SPAST: variants seen among roughly 807,000 people sequenced by gnomAD.
The protein encoded by SPAST is spastin.
Under a neutral mutation model 76.6 loss-of-function variants are expected in SPAST, and 30 were observed. That is an observed-to-expected ratio of 0.39 (90% CI 0.29 to 0.53). The LOEUF (loss-of-function observed/expected upper bound fraction) is 0.53. Among genes scored for constraint, SPAST ranks in the 20% least tolerant of loss-of-function variants. The pLI, the probability that SPAST is intolerant of heterozygous loss-of-function variation, is 0.68. For missense variants in SPAST, 717 were observed against 770.5 expected, an observed-to-expected ratio of 0.93 and a Z score of 0.82; for synonymous variants, 305 against 281.0, an observed-to-expected ratio of 1.09 and a Z score of -0.86.
intron 1 of SPAST, among the ~76,000 whole-genome samples, chr2:32,082,947 ATTGTTG>A (rs891675406): frequency 2.0e-5 from 3 of 151,550 alleles, no homozygotes; most frequent in African/African-American, 7.3e-5. Flanking sequence ...TGTTTTTGTT[ATTGTTG>A]TTGTTGTTGT....
At chr2:32,072,452 T>A (rs542396124) in intron 1 of SPAST, among the ~76,000 whole-genome samples, 6 of 152,102 alleles carry the variant, frequency 3.9e-5, no homozygotes, top group Admixed American at 3.9e-4. Context: ...TATCTCTGTT[T>A]TAATGTTAAT....
chr2:32,089,467 G>T, intron 2 of SPAST, 55 bp from the exon 3 acceptor site: 2 of 996,586 alleles, frequency 2.0e-6, no homozygotes, highest in Admixed American at 3.5e-5. Context: ...ATAATTTATC[G>T]TGAAACAATA....
At chr2:32,072,758 G>T (rs1009434827) in intron 1 of SPAST, among the ~76,000 whole-genome samples, 9 of 152,154 alleles carry the variant, frequency 5.9e-5, no homozygotes, top group African/African-American at 2.2e-4. Context: ...AGGATGGAGG[G>T]TAGAAATCAG....
chr2:32,063,843 G>C lies in SPAST; in HGVS notation c.12G>C (p.Pro4=). 1 of 1,577,708 alleles carries C rather than the reference G, an allele frequency of 6.3e-7. No homozygotes were observed. The highest frequency in any genetic ancestry group is 1.1e-5 in the South Asian group (1 of 88,534). ...AGTGAGAGCTGTGAATGAATTCTCC[G>C]GGTGGACGAGGGAAGAAGAAAGGCT... The part of the protein sequence containing the change: MNS[P]GGRGKKKGSG... The change falls in exon 1 of 17, where the codon CCG becomes CCC. Residue 4 remains proline (P), a synonymous_variant. Coordinates refer to ENST00000315285, the MANE Select transcript of SPAST (RefSeq NM_014946.4).
chr2:32,082,795 C>T (rs955982627), intron 1 of SPAST, among the ~76,000 whole-genome samples: 3 of 152,072 alleles, frequency 2.0e-5, no homozygotes, highest in African/African-American at 7.2e-5. Context: ...TCTCGCTTCT[C>T]TCCCTTTGCA....
At chr2:32,064,617 A>G (rs1676436618) in intron 1 of SPAST, among the ~76,000 whole-genome samples, 1 of 152,182 alleles carries the variant, frequency 6.6e-6, no homozygotes, top group East Asian at 1.9e-4. Flanking sequence ...CAAGGTTTCC[A>G]AAAGGTTTTG....
At chr2:32,119,421 G>A (rs1678945107) in intron 7 of SPAST, among the ~76,000 whole-genome samples, 1 of 152,088 alleles carries the variant, frequency 6.6e-6, no homozygotes, top group Non-Finnish European at 1.5e-5. Context: ...GCATTCTTGA[G>A]TATACTGGAA....
chr2:32,076,082 A>C (rs972704699), intron 1 of SPAST, among the ~76,000 whole-genome samples: 2 of 149,822 alleles, frequency 1.3e-5, no homozygotes, highest in East Asian at 4.0e-4. Context: ...TGTATTTTTA[A>C]TAGAGATGGG....
At chr2:32,069,117 G>C (rs1042386985) in intron 1 of SPAST, among the ~76,000 whole-genome samples, 2 of 151,566 alleles carry the variant, frequency 1.3e-5, no homozygotes, top group Admixed American at 1.3e-4. Flanking sequence ...GGACGCTGAC[G>C]CAGGACAATT....
chr2:32,095,542 G>A (rs1345397835), intron 3 of SPAST, among the ~76,000 whole-genome samples: 1 of 151,420 alleles, frequency 6.6e-6, no homozygotes, highest in Non-Finnish European at 1.5e-5. Context: ...AACCAGCCTG[G>A]ACAGCGTACT....
At chr2:32,125,319 G>T (rs561455829) in intron 7 of SPAST, among the ~76,000 whole-genome samples, 4 of 152,146 alleles carry the variant, frequency 2.6e-5, no homozygotes, top group African/African-American at 9.6e-5. Flanking sequence ...CGCCTCCAGG[G>T]TTCAAGCGAT....
intron 12 of SPAST, among the ~76,000 whole-genome samples, chr2:32,140,439 A>G (rs563247171): frequency 6.6e-6 from 1 of 152,258 alleles, no homozygotes; most frequent in East Asian, 1.9e-4. Context: ...CCTGGCCAAC[A>G]TAGTACAACC....
In SPAST at chr2:32,136,981, TATG is replaced by T; in HGVS notation, c.1413+16_1413+18del. 6.3e-7 allele frequency: 1 copy of T among 1,598,486 alleles called. No homozygotes were observed. Among genetic ancestry groups the T allele is most frequent in the Non-Finnish European group, 8.6e-7 (1 of 1,167,552 alleles). Reference sequence around the variant, plus strand: ...AGAATTTGATGGTGTAAGTGTTGATTATGATATTTTTAATGTGGCAGCATTTTA... The same window carrying T: ...AGAATTTGATGGTGTAAGTGTTGATTATATTTTTAATGTGGCAGCATTTTA... On this transcript the variant is annotated intron_variant, in intron 11 of 16. Coordinates refer to ENST00000315285, the MANE Select transcript of SPAST (RefSeq NM_014946.4).
rs1249692851 is a variant in SPAST, at chr2:32,063,572, G to C, written c.-260G>C. ...TGCGCGTGCGCGGCCGCCGCTGGGA[G>C]CCACCAGGCGGCGGAGAGGACAGCG... On this transcript the variant is annotated 5_prime_UTR_variant, in exon 1 of 17. Transcript: ENST00000315285. The C allele has an allele frequency of 3.9e-6, 2 of 509,512 alleles. No homozygotes were observed. The highest frequency in any genetic ancestry group is 6.9e-6 in the Non-Finnish European group (2 of 290,680). The allele number at this position is 509,512 out of a possible 1,614,324, so 31.6% of individuals were successfully genotyped here.
chr2:32,078,190 C>T (rs1352190177), intron 1 of SPAST, among the ~76,000 whole-genome samples: 2 of 152,012 alleles, frequency 1.3e-5, no homozygotes, highest in African/African-American at 4.8e-5. Flanking sequence ...CGGGGTTTCA[C>T]CGTTTTAGCC....
intron 2 of SPAST, among the ~76,000 whole-genome samples, chr2:32,089,201 T>TC (rs1677612419): frequency 9.8e-6 from 1 of 102,058 alleles, no homozygotes; most frequent in East Asian, 3.1e-4. Flanking sequence ...CTCGGCTAAT[T>TC]TTTTTTTTTT....
chr2:32,113,520 A>G (rs924642804), intron 4 of SPAST, among the ~76,000 whole-genome samples: 3 of 139,130 alleles, frequency 2.2e-5, no homozygotes, highest in Admixed American at 7.1e-5. Flanking sequence ...TGCCTTTACT[A>G]TATTTTGTTT....
At chr2:32,147,119 G>A in intron 15 of SPAST, 99 bp from the exon 16 acceptor site, 1 of 795,590 alleles carries the variant, frequency 1.3e-6, no homozygotes, top group Admixed American at 1.8e-5. Context: ...GATTTGTACT[G>A]AATAGATACA....
At chr2:32,077,290 C>T (rs1182052835) in intron 1 of SPAST, among the ~76,000 whole-genome samples, 1 of 152,074 alleles carries the variant, frequency 6.6e-6, no homozygotes, top group Non-Finnish European at 1.5e-5. Context: ...TGTGAGAATA[C>T]TTAAGGATTA....
Sources: gnomAD v4.1 joint callset for allele counts (sites outside exome capture counted in the v4.1 genomes callset) on GRCh38, gnomAD v4.1.1 for gene constraint, MANE v1.5 for transcripts, NCBI Gene and HGNC (gene_info 2026-07-23, HGNC 2026-07-21) for gene names.